The following IQSEC1 variants were observed in gnomAD, a reference collection of about 807,000 sequenced individuals.
IQSEC1 encodes IQ motif and Sec7 domain ArfGEF 1, also known as IQ motif and SEC7 domain-containing protein 1.
In IQSEC1, 31 loss-of-function variants were observed where a neutral mutation model predicts 91.0. That is an observed-to-expected ratio of 0.34 (90% CI 0.26 to 0.46). The LOEUF (loss-of-function observed/expected upper bound fraction) is 0.46. Ranked by LOEUF, IQSEC1 falls within the 20% of genes least tolerant of loss-of-function variation. IQSEC1 has a pLI of 1.00. For missense variants in IQSEC1, 1,388 were observed against 1,575.6 expected, an observed-to-expected ratio of 0.88 and a Z score of 2.02; for synonymous variants, 699 against 662.6, an observed-to-expected ratio of 1.05 and a Z score of -0.84.
At chr3:13,271,699 T>C (rs897669698) in intron 1 of IQSEC1, among the ~76,000 whole-genome samples, 2 of 152,110 alleles carry the variant, frequency 1.3e-5, no homozygotes, top group South Asian at 4.1e-4. Context: ...ATGAGGCTGA[T>C]AGGGAGGATT....
intron 1 of IQSEC1, among the ~76,000 whole-genome samples, chr3:13,071,660 G>A (rs909481602): frequency 6.6e-6 from 1 of 152,212 alleles, no homozygotes; most frequent in Non-Finnish European, 1.5e-5. Context: ...CAACCTGTGA[G>A]CTTCTCCACT....
chr3:13,246,177 T>C (rs989988713), intron 1 of IQSEC1, among the ~76,000 whole-genome samples: 1 of 152,192 alleles, frequency 6.6e-6, no homozygotes, highest in Non-Finnish European at 1.5e-5. Context: ...CTATTAGCCC[T>C]ACAAAGGAAG....
At chr3:13,264,486 G>A (rs1695449379) in intron 1 of IQSEC1, among the ~76,000 whole-genome samples, 1 of 152,162 alleles carries the variant, frequency 6.6e-6, no homozygotes, top group African/African-American at 2.4e-5. Context: ...CAAACCGCAT[G>A]GGACATCATC....
At chr3:12,911,265 T>C (rs1695527734) in intron 10 of IQSEC1, among the ~76,000 whole-genome samples, 1 of 152,238 alleles carries the variant, frequency 6.6e-6, no homozygotes, top group Non-Finnish European at 1.5e-5. Context: ...CACTCATGGG[T>C]TGCTGTCACC....
Position 12,936,323 on chromosome 3 carries a change from C to T in IQSEC1, c.693G>A (p.Arg231=), listed in dbSNP as rs1335537073. 1.9e-6 allele frequency: 3 copies of T among 1,610,762 alleles called. No individual in the cohort carries two copies. The South Asian group carries it at 3.3e-5, about 18-fold the overall frequency. Residue 231 remains arginine, a synonymous_variant, in exon 3 of 14, where the codon AGG becomes AGA. Transcript: ENST00000613206. The stretch of plus-strand genomic sequence containing the variant: ...TGGACTCGGCCAGTGATTTCACTTG[C>T]CTAGAGAAGGCGTCCTCCAGCTCGG... The part of the protein sequence containing the change: ...AITELEDAFS[R]QVKSLAESID...
rs950396689 is a variant in IQSEC1 at position 13,167,906 on chromosome 3, G to C, written c.273-3773C>G. ...AATGTTCTCAGCTTCTCTGGGCAGA[G>C]GCCTGTCCAGACTGAGAAGGTGGGC... is the stretch of plus-strand genomic sequence containing the variant. On this transcript the variant is annotated intron_variant, in intron 1 of 15. Transcript: ENST00000648114. Among the ~76,000 whole-genome samples, 3 of 152,332 alleles carry C rather than the reference G, an allele frequency of 2.0e-5. No homozygotes were observed. In the South Asian group the frequency reaches 6.2e-4, roughly 32 times the overall value.
chr3:13,173,450 G>A (rs555711241), intron 1 of IQSEC1, among the ~76,000 whole-genome samples: 1 of 152,332 alleles, frequency 6.6e-6, no homozygotes, highest in African/African-American at 2.4e-5. Context: ...AGGCTTTGGG[G>A]ACCGGCCCAG....
chr3:13,247,455 C>T (rs1421538201), intron 1 of IQSEC1, among the ~76,000 whole-genome samples: 2 of 152,216 alleles, frequency 1.3e-5, no homozygotes, highest in East Asian at 1.9e-4. Context: ...CCTCCCTCAT[C>T]GCCCCCCTTG....
Position 13,193,645 on chromosome 3 carries a change from G to T in IQSEC1, c.273-29512C>A, listed in dbSNP as rs552114765. 5.9e-5 allele frequency among the ~76,000 whole-genome samples: 9 copies of T among 152,304 alleles called. No homozygotes were observed. In the South Asian group the frequency reaches 1.5e-3, roughly 25 times the overall value. On this transcript the variant is annotated intron_variant, in intron 1 of 15. Coordinates refer to the IQSEC1 transcript ENST00000648114. The surrounding 1 kb of genome is among the most constrained non-coding windows in gnomAD (Gnocchi z 4.2). ...AGTTTGGGGTGTGCCAAGCTTAGGGGTCTAGAACACTTAAGATGCGGGAAA... is the reference window on the plus strand; with the variant it reads ...AGTTTGGGGTGTGCCAAGCTTAGGGTTCTAGAACACTTAAGATGCGGGAAA...
At chr3:13,212,656 A>T (rs1196399628) in intron 1 of IQSEC1, among the ~76,000 whole-genome samples, 1 of 152,186 alleles carries the variant, frequency 6.6e-6, no homozygotes, top group Non-Finnish European at 1.5e-5. Flanking sequence ...TCGTTTCTCC[A>T]CGTCCTCATC....
intron 1 of IQSEC1, among the ~76,000 whole-genome samples, chr3:13,056,140 C>G (rs1704872138): frequency 6.6e-6 from 1 of 152,184 alleles, no homozygotes; most frequent in Non-Finnish European, 1.5e-5. Flanking sequence ...CCTGACCAAG[C>G]CTGTGTGTCG....
At chr3:12,962,244 C>T (rs1329271099) in intron 1 of IQSEC1, among the ~76,000 whole-genome samples, 3 of 152,196 alleles carry the variant, frequency 2.0e-5, no homozygotes, top group Non-Finnish European at 2.9e-5. Context: ...TAACATCTAC[C>T]GGGCCCTTGC....
intron 1 of IQSEC1, among the ~76,000 whole-genome samples, chr3:12,958,661 C>T (rs534974460): frequency 2.6e-5 from 4 of 152,360 alleles, no homozygotes; most frequent in African/African-American, 9.6e-5. Context: ...TGATTCCACA[C>T]TAGCACCCAT....
intron 1 of IQSEC1, among the ~76,000 whole-genome samples, chr3:13,055,888 A>G (rs889083375): frequency 6.6e-6 from 1 of 152,082 alleles, no homozygotes; most frequent in African/African-American, 2.4e-5. Flanking sequence ...CCAGGCATCT[A>G]CTGCAGGAGT....
At chr3:13,270,000 TA>T (rs1227154831) in intron 1 of IQSEC1, among the ~76,000 whole-genome samples, 1 of 152,158 alleles carries the variant, frequency 6.6e-6, no homozygotes, top group Non-Finnish European at 1.5e-5. Context: ...TGGGGGCCCC[TA>T]GGCCACCAGA....
intron 2 of IQSEC1, among the ~76,000 whole-genome samples, chr3:13,104,490 G>A (rs1236533157): frequency 3.9e-5 from 6 of 152,076 alleles, no homozygotes; most frequent in East Asian, 1.9e-4. Flanking sequence ...GTTATTCTGC[G>A]GACTCTTGCA....
chr3:13,244,297 A>G (rs1249978428), intron 1 of IQSEC1, among the ~76,000 whole-genome samples: 1 of 152,160 alleles, frequency 6.6e-6, no homozygotes, highest in African/African-American at 2.4e-5. Flanking sequence ...GATTCGAGCG[A>G]TTCTCCTGCT....
chr3:13,263,429 G>A (rs58221242), intron 1 of IQSEC1, among the ~76,000 whole-genome samples: 7 of 78,536 alleles, frequency 8.9e-5, no homozygotes, highest in Admixed American at 2.6e-4. Context: ...TTTTTTTTTG[G>A]GGGGGGGGGG....
intron 1 of IQSEC1, among the ~76,000 whole-genome samples, chr3:13,253,432 C>T (rs898571074): frequency 1.1e-4 from 17 of 152,132 alleles, no homozygotes; most frequent in African/African-American, 3.4e-4. Flanking sequence ...GCCAAGATGG[C>T]GGGTATTGAG....
Sources: allele counts gnomAD v4.1 joint callset (sites outside exome capture counted in the v4.1 genomes callset), GRCh38; gene constraint gnomAD v4.1.1; non-coding constraint Gnocchi (gnomAD v3.1); transcripts MANE v1.5; gene names NCBI Gene and HGNC (gene_info 2026-07-23, HGNC 2026-07-21).